TRPC5: variants seen among roughly 807,000 people sequenced by gnomAD.
The protein encoded by TRPC5 is short transient receptor potential channel 5.
A neutral mutation model predicts 56.5 loss-of-function variants in TRPC5; 9 were observed. The observed-to-expected ratio is 0.16, with a 90% confidence interval of 0.10 to 0.28. TRPC5 has a LOEUF of 0.28. Among genes scored for constraint, TRPC5 ranks in the 10% least tolerant of loss-of-function variants. The pLI, the probability that TRPC5 is intolerant of heterozygous loss-of-function variation, is 1.00. For missense variants in TRPC5, 469 were observed against 748.9 expected (o/e 0.63, Z 4.36); for synonymous variants, 282 against 278.5 (o/e 1.01, Z -0.13).
At chrX:111,808,542 G>A (rs1921598524) in intron 7 of TRPC5, among the ~76,000 whole-genome samples, 1 of 110,840 alleles carries the variant, frequency 9.0e-6, no homozygotes, top group African/African-American at 3.3e-5. Flanking sequence ...CTTCAGGGCA[G>A]TGGTACCCCC....
intron 7 of TRPC5, among the ~76,000 whole-genome samples, chrX:111,804,332 T>G (rs755634070): frequency 5.6e-4 from 63 of 112,090 alleles, no homozygotes; most frequent in African/African-American, 1.9e-3. Flanking sequence ...TTGGCAATGC[T>G]GGCTCTTTTT....
chrX:111,950,111 T>A (rs1927039755), intron 2 of TRPC5, among the ~76,000 whole-genome samples: 1 of 110,919 alleles, frequency 9.0e-6, no homozygotes, highest in Admixed American at 9.6e-5. Context: ...GATCACGAGG[T>A]CAGGAGATCA....
At chrX:111,914,623 T>C (rs982913006) in intron 2 of TRPC5, among the ~76,000 whole-genome samples, 5 of 112,235 alleles carry the variant, frequency 4.5e-5, no homozygotes, top group African/African-American at 1.3e-4. Context: ...TGGTCATTAA[T>C]GGCTAGGATG....
chrX:112,046,328 T>C (rs1264210716), intron 1 of TRPC5, among the ~76,000 whole-genome samples: 2 of 109,462 alleles, frequency 1.8e-5, no homozygotes, highest in African/African-American at 6.7e-5. Context: ...CCTTGATTTA[T>C]AGCCAGTGGA....
intron 2 of TRPC5, among the ~76,000 whole-genome samples, chrX:111,935,099 G>A (rs1792628378): frequency 1.8e-5 from 2 of 111,747 alleles, no homozygotes; most frequent in African/African-American, 6.5e-5. Context: ...CAGTGTACAA[G>A]GGCTCCCTTT....
At chrX:111,978,218 ATG>A (rs754919071) in intron 1 of TRPC5, among the ~76,000 whole-genome samples, 32 of 112,078 alleles carry the variant, frequency 2.9e-4, no homozygotes, top group African/African-American at 8.7e-4. Context: ...AATAACTTTA[ATG>A]TGTGTGTGTA....
intron 2 of TRPC5, among the ~76,000 whole-genome samples, chrX:111,922,404 C>G (rs1221721110): frequency 1.8e-5 from 2 of 111,980 alleles, no homozygotes; most frequent in Non-Finnish European, 3.8e-5. Flanking sequence ...ATTGTAATCC[C>G]TCTTTTTTCA....
chrX:111,788,662 A>G (rs774929806), intron 7 of TRPC5, among the ~76,000 whole-genome samples: 21 of 111,529 alleles, frequency 1.9e-4, no homozygotes, highest in African/African-American at 6.5e-4. Context: ...TATTTAGAAA[A>G]CCCCGTCACC....
intron 7 of TRPC5, among the ~76,000 whole-genome samples, chrX:111,804,154 T>C (rs988106892): frequency 4.5e-5 from 5 of 111,931 alleles, no homozygotes; most frequent in Non-Finnish European, 9.4e-5. Context: ...AAAGATCAGA[T>C]GGTTGTAGAT....
At chrX:112,015,932 A>G (rs1388679538) in intron 1 of TRPC5, among the ~76,000 whole-genome samples, 1 of 111,661 alleles carries the variant, frequency 9.0e-6, no homozygotes, top group Non-Finnish European at 1.9e-5. Flanking sequence ...CCATGGTTAG[A>G]ACTGTCTTCT....
intron 3 of TRPC5, among the ~76,000 whole-genome samples, chrX:111,871,235 T>C (rs1183538132): frequency 1.3e-4 from 15 of 112,232 alleles, no homozygotes; most frequent in Admixed American, 1.3e-3. Flanking sequence ...CTCACAGGAC[T>C]GTTGTGAAGA....
intron 3 of TRPC5, among the ~76,000 whole-genome samples, chrX:111,909,708 A>G (rs1350570365): frequency 9.0e-6 from 1 of 111,611 alleles, no homozygotes; most frequent in Non-Finnish European, 1.9e-5. Flanking sequence ...AGAGTTGAGA[A>G]AGATACGAAA....
chrX:111,927,687 A>G (rs1312909869), intron 2 of TRPC5, among the ~76,000 whole-genome samples: 6 of 111,496 alleles, frequency 5.4e-5, no homozygotes, highest in African/African-American at 2.0e-4. Flanking sequence ...AAAAGAAGTC[A>G]GTGGACATGT....
intron 9 of TRPC5, among the ~76,000 whole-genome samples, chrX:111,779,362 A>G (rs184596480): frequency 8.9e-6 from 1 of 112,258 alleles, no homozygotes; most frequent in East Asian, 2.8e-4. Context: ...TATAGTTAAT[A>G]TCCTTTTCCT....
chrX:111,811,917 T>C (rs142704303), intron 7 of TRPC5, among the ~76,000 whole-genome samples: 14 of 111,630 alleles, frequency 1.3e-4, no homozygotes, highest in African/African-American at 3.6e-4. Flanking sequence ...AATACACTTA[T>C]GTTTTGCTAC....
At chrX:111,802,060 GA>G (rs1487160676) in intron 7 of TRPC5, among the ~76,000 whole-genome samples, 1 of 111,822 alleles carries the variant, frequency 8.9e-6, no homozygotes, top group Non-Finnish European at 1.9e-5. Context: ...TGTATGGTAT[GA>G]AAAAGGAGCC....
At chrX:111,868,046 G>A (rs1386956383) in intron 3 of TRPC5, among the ~76,000 whole-genome samples, 8 of 112,261 alleles carry the variant, frequency 7.1e-5, no homozygotes, top group Admixed American at 2.8e-4. Flanking sequence ...AGGTTAAATA[G>A]TAATAATAAC....
rs138451992 is a variant in TRPC5 at position 111,957,278 on chromosome X, A to G, written c.-21-4837T>C. Among the ~76,000 whole-genome samples, 213 of 111,982 alleles carry G rather than the reference A, an allele frequency of 1.9e-3. 1 individual carries two copies. The highest frequency in any genetic ancestry group is 6.4e-3 in the African/African-American group (199 of 30,902). Reference sequence around the variant, plus strand: ...GCTTTGTTGAGGTGATAGTGCTGCAACATCTTGGTTCAGGAGGTACTTTAA... The same window carrying G: ...GCTTTGTTGAGGTGATAGTGCTGCAGCATCTTGGTTCAGGAGGTACTTTAA... On this transcript the variant is annotated intron_variant, in intron 1 of 10. Coordinates refer to ENST00000262839, the MANE Select transcript of TRPC5 (RefSeq NM_012471.3).
At chrX:111,866,465 T>C (rs1263737967) in intron 3 of TRPC5, among the ~76,000 whole-genome samples, 1 of 113,013 alleles carries the variant, frequency 8.8e-6, no homozygotes, top group Non-Finnish European at 1.9e-5. Context: ...ACTGCAGTTG[T>C]TGATTGTTTT....
Sources: gnomAD v4.1 joint callset for allele counts (sites outside exome capture counted in the v4.1 genomes callset) on GRCh38, gnomAD v4.1.1 for gene constraint, MANE v1.5 for transcripts, NCBI Gene and HGNC (gene_info 2026-07-23, HGNC 2026-07-21) for gene names.